TSPAN7: variants seen among roughly 807,000 people sequenced by gnomAD.
The protein encoded by TSPAN7 is tetraspanin 7.
TSPAN7 carries 1 observed loss-of-function variant against 17.6 expected under a neutral mutation model. That is an observed-to-expected ratio of 0.06 (90% CI 0.02 to 0.27). The LOEUF (loss-of-function observed/expected upper bound fraction) is 0.27, where lower values mean the gene tolerates loss of function less well. TSPAN7 is among the 10% of genes least tolerant of loss of function. The probability of loss-of-function intolerance (pLI) is 1.00; values close to 1 mark genes in which losing one functional copy is unlikely to be tolerated. For missense variants in TSPAN7, 112 were observed against 201.7 expected, an observed-to-expected ratio of 0.56 and a Z score of 2.69; for synonymous variants, 78 against 79.0, an observed-to-expected ratio of 0.99 and a Z score of 0.07.
intron 1 of TSPAN7, among the ~76,000 whole-genome samples, chrX:38,608,613 T>A (rs1392736068): frequency 9.0e-6 from 1 of 111,561 alleles, no homozygotes; most frequent in East Asian, 2.8e-4. Flanking sequence ...TATTATTTAA[T>A]ATATCTTTAT....
intron 2 of TSPAN7, among the ~76,000 whole-genome samples, chrX:38,666,836 G>A (rs1331071380): frequency 2.7e-5 from 3 of 110,867 alleles, no homozygotes; most frequent in Non-Finnish European, 5.7e-5. Flanking sequence ...TCCTGACCTC[G>A]TGATCCACCT....
chrX:38,671,513 T>C, intron 3 of TSPAN7, 63 bp downstream of exon 3: 1 of 1,047,396 alleles, frequency 9.5e-7, no homozygotes, highest in Non-Finnish European at 1.3e-6. Context: ...TCTTGAAACC[T>C]CTTGAAATGT....
At chrX:38,674,431 G>A (rs1434396195) in intron 4 of TSPAN7, 115 bp downstream of exon 4, 1 of 654,001 alleles carries the variant, frequency 1.5e-6, no homozygotes, top group African/African-American at 2.2e-5. Flanking sequence ...TCAACTCTTA[G>A]TCCAGTTCCA....
intron 1 of TSPAN7, among the ~76,000 whole-genome samples, chrX:38,590,452 TC>T (rs2069284768): frequency 8.9e-6 from 1 of 112,319 alleles, no homozygotes; most frequent in African/African-American, 3.2e-5. Context: ...TGGTAAGTGT[TC>T]CTTTTTATTC....
At chrX:38,562,574 G>GGGAGGA (rs1353903213) in intron 1 of TSPAN7, among the ~76,000 whole-genome samples, 42 of 102,998 alleles carry the variant, frequency 4.1e-4, no homozygotes, top group Non-Finnish European at 7.3e-4. Flanking sequence ...GAGGAGGAGG[G>GGGAGGA]GGAGGAGGAG....
chrX:38,600,895 T>C (rs2069342846), intron 1 of TSPAN7, among the ~76,000 whole-genome samples: 1 of 111,521 alleles, frequency 9.0e-6, no homozygotes, highest in African/African-American at 3.3e-5. Flanking sequence ...AAGGTGGGAG[T>C]GGTGTTTTCA....
chrX:38,651,322 G>A (rs1377733951), intron 1 of TSPAN7, among the ~76,000 whole-genome samples: 9 of 110,223 alleles, frequency 8.2e-5, no homozygotes, highest in Admixed American at 1.9e-4. Flanking sequence ...AAAATTAGCC[G>A]GGCGTGGTGG....
rs763882594 is a variant in TSPAN7 at position 38,642,205 on chromosome X, G to T, written c.82-23916G>T. 7.1e-5 allele frequency among the ~76,000 whole-genome samples: 8 copies of T among 111,939 alleles called. No individual in the cohort carries two copies. In the East Asian group the frequency reaches 1.7e-3, roughly 24 times the overall value. ...GTTATTTGTATGATTAAATTGAGCA[G>T]CTGTGGCTAGGACATTTCAAGATTG... On this transcript the variant is annotated intron_variant, in intron 1 of 7. Coordinates refer to ENST00000378482, the MANE Select transcript of TSPAN7 (RefSeq NM_004615.4).
chrX:38,584,437 C>T (rs1428102550), intron 1 of TSPAN7, among the ~76,000 whole-genome samples: 1 of 111,759 alleles, frequency 8.9e-6, no homozygotes, highest in Non-Finnish European at 1.9e-5. Flanking sequence ...TTTCCTGAAA[C>T]TCACATGATC....
At chrX:38,657,541 C>G (rs2069711725) in intron 1 of TSPAN7, among the ~76,000 whole-genome samples, 1 of 111,755 alleles carries the variant, frequency 8.9e-6, no homozygotes, top group South Asian at 3.7e-4. Context: ...TTGGTGAATG[C>G]TGTTGACCAG....
At chrX:38,581,237 C>G (rs1342013702) in intron 1 of TSPAN7, among the ~76,000 whole-genome samples, 1 of 112,540 alleles carries the variant, frequency 8.9e-6, no homozygotes, top group Non-Finnish European at 1.9e-5. Flanking sequence ...AAAGGTTTGA[C>G]TCTTGTGTTA....
In TSPAN7 at chrX:38,675,713, C is replaced by T. The variant is rs758142996; in HGVS notation, c.450C>T (p.Cys150=). 1 of 1,211,148 alleles carries T rather than the reference C, an allele frequency of 8.3e-7. No individual in the cohort carries two copies. Among genetic ancestry groups the T allele is most frequent in the Admixed American group, 2.2e-5 (1 of 45,956 alleles). ...AVDHVQRSLS[C]CGVQNYTNWS... ...CCTTTCCCTGTTAATAGCTGAGCTG[C>T]TGTGGTGTGCAGAACTACACCAACT... The change falls in exon 5 of 8, where the codon TGC becomes TGT. Residue 150 remains cysteine (C), a synonymous_variant. Coordinates refer to ENST00000378482, the MANE Select transcript of TSPAN7 (RefSeq NM_004615.4).
chrX:38,616,910 A>G (rs1235602033), intron 1 of TSPAN7, among the ~76,000 whole-genome samples: 2 of 112,124 alleles, frequency 1.8e-5, no homozygotes, highest in Non-Finnish European at 3.8e-5. Context: ...CCTGTCCACA[A>G]TCACCTTCCA....
At chrX:38,617,530 T>C (rs1348207058) in intron 1 of TSPAN7, among the ~76,000 whole-genome samples, 1 of 112,319 alleles carries the variant, frequency 8.9e-6, no homozygotes, top group African/African-American at 3.2e-5. Flanking sequence ...AGTGAGAGCT[T>C]AGAACCTGAT....
chrX:38,583,871 T>A (rs12116145), intron 1 of TSPAN7, among the ~76,000 whole-genome samples: 4,809 of 110,548 alleles, frequency 0.044, 237 homozygotes, highest in African/African-American at 0.14. Flanking sequence ...GTTGACAGCA[T>A]CGCCAGATTT....
At position 38,578,342 on chromosome X, in the gene TSPAN7, T is replaced by G. The variant is rs143331704; in HGVS notation, c.81+16715T>G. On this transcript the variant is annotated intron_variant, in intron 1 of 7. Transcript: ENST00000378482. ...CATTAATGGATGCCTACGATTCCAG[T>G]AGAGACTTGTCTAAGGGATAAAGGT... Among the ~76,000 whole-genome samples, 222 of 111,881 alleles carry G rather than the reference T, an allele frequency of 2.0e-3. 1 individual carries two copies. The highest frequency in any genetic ancestry group is 6.9e-3 in the African/African-American group (214 of 30,829).
intron 1 of TSPAN7, among the ~76,000 whole-genome samples, chrX:38,649,081 C>T (rs997867726): frequency 9.0e-6 from 1 of 111,591 alleles, no homozygotes; most frequent in Admixed American, 9.5e-5. Context: ...TTGGAAGGCA[C>T]TTATTTTATA....
At chrX:38,671,302 A>G in intron 2 of TSPAN7, 74 bp from the exon 3 acceptor site, 1 of 1,046,675 alleles carries the variant, frequency 9.6e-7, no homozygotes, top group Non-Finnish European at 1.3e-6. Context: ...GCTGATTGAA[A>G]GTAACCTACC....
rs781267467 is a variant in TSPAN7 at position 38,666,168 on chromosome X, T to C, written c.129T>C (p.Thr43=). The C allele has an allele frequency of 8.3e-7, 1 of 1,208,777 alleles. No homozygotes were observed. The highest frequency in any genetic ancestry group is 1.1e-6 in the Non-Finnish European group (1 of 894,970). ...CTGTTGGAGTCTGGGGCAAACTTACTCTGGGCACCTATATCTCCCTTATTG... is the reference window on the plus strand; with the variant it reads ...CTGTTGGAGTCTGGGGCAAACTTACCCTGGGCACCTATATCTCCCTTATTG... ...LLAVGVWGKL[T]LGTYISLIAE... The change falls in exon 2 of 8, where the codon ACT becomes ACC. Residue 43 remains threonine, a synonymous_variant. Coordinates refer to ENST00000378482, the MANE Select transcript of TSPAN7 (RefSeq NM_004615.4).
Sources: allele counts gnomAD v4.1 joint callset (sites outside exome capture counted in the v4.1 genomes callset), GRCh38; gene constraint gnomAD v4.1.1; transcripts MANE v1.5; gene names NCBI Gene and HGNC (gene_info 2026-07-23, HGNC 2026-07-21).